The following HS6ST3 variants were observed in gnomAD, a reference collection of about 807,000 sequenced individuals.
HS6ST3 encodes heparan sulfate 6-O-sulfotransferase 3.
A neutral mutation model predicts 36.7 loss-of-function variants in HS6ST3; 12 were observed. The ratio of observed to expected loss-of-function variants is 0.33; its 90% CI spans 0.21 to 0.53. The LOEUF (loss-of-function observed/expected upper bound fraction) is 0.53, where lower values mean the gene tolerates loss of function less well. Ranked by LOEUF, HS6ST3 falls within the 20% of genes least tolerant of loss-of-function variation. The probability of loss-of-function intolerance (pLI) is 0.95; values close to 1 mark genes in which losing one functional copy is unlikely to be tolerated. For synonymous variants in HS6ST3, 240 were observed against 257.5 expected (o/e 0.93, Z 0.65); for missense variants, 584 against 640.9 (o/e 0.91, Z 0.96).
chr13:96,823,205 A>G (rs1051215558), intron 1 of HS6ST3, among the ~76,000 whole-genome samples: 1 of 152,244 alleles, frequency 6.6e-6, no homozygotes, highest in African/African-American at 2.4e-5. Flanking sequence ...AACCATATTG[A>G]GTCATTTTGA....
chr13:96,348,459 C>A (rs1362490696), intron 1 of HS6ST3, among the ~76,000 whole-genome samples: 3 of 152,188 alleles, frequency 2.0e-5, no homozygotes, highest in Admixed American at 1.3e-4. Flanking sequence ...CAGTGACTAA[C>A]CATGTAAGAT....
At chr13:96,154,313 A>G (rs1439645238) in intron 1 of HS6ST3, among the ~76,000 whole-genome samples, 1 of 152,260 alleles carries the variant, frequency 6.6e-6, no homozygotes, top group East Asian at 1.9e-4. Context: ...ATTGGCTGGC[A>G]TGCTGTATTT....
intron 1 of HS6ST3, among the ~76,000 whole-genome samples, chr13:96,417,596 G>GTGTT (rs1368297844): frequency 9.3e-5 from 14 of 149,976 alleles, no homozygotes; most frequent in African/African-American, 3.4e-4. Flanking sequence ...ATATATGTGT[G>GTGTT]TGTGTGTGTG....
intron 1 of HS6ST3, among the ~76,000 whole-genome samples, chr13:96,284,907 T>TTTGCTTGCTTGCTTGC (rs571805266): frequency 7.0e-5 from 9 of 129,484 alleles, no homozygotes; most frequent in East Asian, 4.6e-4. Flanking sequence ...TGAATGCATA[T>TTTGCTTGCTTGCTTGC]TTGCTTTCTT....
chr13:96,142,186 T>C (rs539699310), intron 1 of HS6ST3, among the ~76,000 whole-genome samples: 36 of 152,316 alleles, frequency 2.4e-4, no homozygotes, highest in African/African-American at 8.2e-4. Context: ...ATTAGTATAC[T>C]AAAAGGAAAT....
At chr13:96,404,617 G>A (rs2055467858) in intron 1 of HS6ST3, among the ~76,000 whole-genome samples, 1 of 152,216 alleles carries the variant, frequency 6.6e-6, no homozygotes. Context: ...GAAAAGTCTG[G>A]GAGTTGTAGG....
At chr13:96,319,056 T>C (rs2054990972) in intron 1 of HS6ST3, among the ~76,000 whole-genome samples, 1 of 152,196 alleles carries the variant, frequency 6.6e-6, no homozygotes, top group Admixed American at 6.5e-5. Context: ...ATAGTCAATT[T>C]TGGAACATTT....
intron 1 of HS6ST3, among the ~76,000 whole-genome samples, chr13:96,354,628 G>T (rs1431528483): frequency 3.9e-5 from 6 of 152,034 alleles, no homozygotes; most frequent in African/African-American, 1.4e-4. Context: ...TTATTAGGTG[G>T]AAGTAACAAA....
At chr13:96,189,565 G>A (rs2054279608) in intron 1 of HS6ST3, among the ~76,000 whole-genome samples, 1 of 152,114 alleles carries the variant, frequency 6.6e-6, no homozygotes, top group African/African-American at 2.4e-5. Flanking sequence ...CATTCCAGAA[G>A]CATTTAGTGT....
intron 1 of HS6ST3, among the ~76,000 whole-genome samples, chr13:96,695,009 G>A (rs994030550): frequency 2.6e-5 from 4 of 152,124 alleles, no homozygotes; most frequent in African/African-American, 9.7e-5. Flanking sequence ...ATGCTTGCTA[G>A]CATATCAGCT....
chr13:96,112,245 C>G (rs369289796), intron 1 of HS6ST3, among the ~76,000 whole-genome samples: 31 of 152,130 alleles, frequency 2.0e-4, no homozygotes, highest in Middle Eastern at 3.4e-3. Flanking sequence ...ACAGCAAACT[C>G]TTTTAGATCT....
chr13:96,158,895 G>A (rs2054123200), intron 1 of HS6ST3, among the ~76,000 whole-genome samples: 1 of 152,074 alleles, frequency 6.6e-6, no homozygotes, highest in Admixed American at 6.5e-5. Flanking sequence ...GCAAGAGCCA[G>A]GGTCCTTTGT....
chr13:96,732,156 T>C (rs1458515293), intron 1 of HS6ST3, among the ~76,000 whole-genome samples: 1 of 152,210 alleles, frequency 6.6e-6, no homozygotes, highest in Non-Finnish European at 1.5e-5. Context: ...TGATGATTCA[T>C]GAAACTGAAC....
intron 1 of HS6ST3, among the ~76,000 whole-genome samples, chr13:96,194,192 C>A (rs1405812850): frequency 6.6e-6 from 1 of 151,962 alleles, no homozygotes; most frequent in Admixed American, 6.6e-5. Flanking sequence ...ATTGTATATA[C>A]AATATTGGGA....
chr13:96,679,032 C>A (rs1314905660), intron 1 of HS6ST3, among the ~76,000 whole-genome samples: 4 of 150,910 alleles, frequency 2.7e-5, no homozygotes, highest in Non-Finnish European at 5.9e-5. Context: ...ATTTCCTGAG[C>A]TGGTCATGGA....
At chr13:96,315,632 A>G (rs1167111597) in intron 1 of HS6ST3, among the ~76,000 whole-genome samples, 1 of 151,762 alleles carries the variant, frequency 6.6e-6, no homozygotes, top group Non-Finnish European at 1.5e-5. Flanking sequence ...GCATTGCTTT[A>G]TTTTCTTTTT....
intron 1 of HS6ST3, among the ~76,000 whole-genome samples, chr13:96,757,772 G>T (rs1876870116): frequency 6.6e-6 from 1 of 151,876 alleles, no homozygotes; most frequent in South Asian, 2.1e-4. Flanking sequence ...GAATTACATT[G>T]ATTGATTTTC....
intron 1 of HS6ST3, among the ~76,000 whole-genome samples, chr13:96,424,333 A>T (rs2055576105): frequency 6.6e-6 from 1 of 152,224 alleles, no homozygotes; most frequent in Non-Finnish European, 1.5e-5. Context: ...AAACACAATT[A>T]CATAAATTTA....
chr13:96,317,354 A>AAT (rs1226280767), intron 1 of HS6ST3, among the ~76,000 whole-genome samples: 15 of 34,404 alleles, frequency 4.4e-4, no homozygotes, highest in African/African-American at 1.2e-3. Context: ...ATATATATAT[A>AAT]TATATATATA....
Sources: gnomAD v4.1 joint callset for allele counts (sites outside exome capture counted in the v4.1 genomes callset) on GRCh38, gnomAD v4.1.1 for gene constraint, MANE v1.5 for transcripts, NCBI Gene and HGNC (gene_info 2026-07-23, HGNC 2026-07-21) for gene names.